KHDC1: variants seen among roughly 807,000 people sequenced by gnomAD.
KHDC1 encodes the protein KH homology domain-containing protein 1.
KHDC1 carries 21 observed loss-of-function variants against 24.7 expected under a neutral mutation model. The observed-to-expected ratio is 0.85, with a 90% confidence interval of 0.60 to 1.23. The LOEUF is 1.23. Among genes scored for constraint, KHDC1 ranks in the 50% most tolerant of loss-of-function variants. The pLI is 0.00. For missense variants in KHDC1, 274 were observed against 298.5 expected (o/e 0.92, Z 0.61); for synonymous variants, 98 against 111.7 (o/e 0.88, Z 0.77).
Position 73,263,280 on chromosome 6 carries a change from G to T in KHDC1, c.207-20750C>A, listed in dbSNP as rs115202371. On this transcript the variant is annotated intron_variant, in intron 2 of 4. Coordinates refer to ENST00000370384, the Ensembl canonical transcript of KHDC1. ...TCCCGCCTGCTCTGTGTAGGAGACA[G>T]CCTGCGGAGCCCACTGCCGGCGCGC... 7,272 of 985,666 alleles carry T rather than the reference G, an allele frequency of 7.4e-3. 45 individuals carry two copies. Among genetic ancestry groups the T allele is most frequent in the East Asian group, 0.058 (511 of 8,796 alleles). 61.1% of individuals were successfully genotyped at this position (985,666 alleles called of 1,614,324 possible).
rs138716220 is a variant in KHDC1 at position 73,305,651 on chromosome 6, A to C, written c.163+3901T>G. ...CATTTAAGAGAATATAATATATTGGATTTTGATTTAATTATTATTATTTTT... is the reference window on the plus strand; with the variant it reads ...CATTTAAGAGAATATAATATATTGGCTTTTGATTTAATTATTATTATTTTT... On this transcript the variant is annotated intron_variant, in intron 1 of 4. Coordinates refer to ENST00000370384, the Ensembl canonical transcript of KHDC1. Among the ~76,000 whole-genome samples the C allele has an allele frequency of 2.6e-4, 39 of 152,162 alleles. No homozygotes were observed. The East Asian group carries it at 6.4e-3, about 25-fold the overall frequency.
chr6:73,245,144 C>A (rs1020128117), intron 2 of KHDC1, among the ~76,000 whole-genome samples: 10 of 151,932 alleles, frequency 6.6e-5, no homozygotes, highest in African/African-American at 2.4e-4. Context: ...GCAAAGATAC[C>A]AGAACATGTA....
intron 2 of KHDC1, among the ~76,000 whole-genome samples, chr6:73,260,639 C>T (rs1766963868): frequency 6.6e-6 from 1 of 152,158 alleles, no homozygotes; most frequent in Admixed American, 6.5e-5. Context: ...ATTTTAACTT[C>T]AATTAATACT....
chr6:73,284,616 C>G (rs1463727551), intron 2 of KHDC1: 2 of 152,068 alleles, frequency 1.3e-5, no homozygotes, highest in Non-Finnish European at 2.9e-5. Flanking sequence ...TATTTCTTTA[C>G]TACCACAATG....
chr6:73,283,641 CTTTTT>C (rs35786607), intron 2 of KHDC1, among the ~76,000 whole-genome samples: 3 of 134,106 alleles, frequency 2.2e-5, no homozygotes, highest in African/African-American at 8.2e-5. Flanking sequence ...GGTTTTCATT[CTTTTT>C]TTTTTTTTTT....
intron 1 of KHDC1, among the ~76,000 whole-genome samples, chr6:73,307,814 G>A (rs923114613): frequency 6.6e-6 from 1 of 152,168 alleles, no homozygotes; most frequent in African/African-American, 2.4e-5. Context: ...ACATCACCTG[G>A]AGGTCTTCTT....
In KHDC1 at chr6:73,283,445, G is replaced by A. The variant is rs9446881; in HGVS notation, c.206+8553C>T. On this transcript the variant is annotated intron_variant, in intron 2 of 4. Transcript: ENST00000370384. ...AGGTGTTTTGTTATATAGAGACAGG[G>A]TCTCAGTGTTGCCCAGGCTAGTCTC... Among the ~76,000 whole-genome samples, 903 of 151,890 alleles carry A rather than the reference G, an allele frequency of 5.9e-3. 14 individuals are homozygous for A. Among genetic ancestry groups the A allele is most frequent in the African/African-American group, 0.02 (838 of 41,408 alleles).
chr6:73,255,272 T>C (rs1766861414), intron 2 of KHDC1, among the ~76,000 whole-genome samples: 1 of 143,822 alleles, frequency 7.0e-6, no homozygotes. Context: ...CAGGCTGGAG[T>C]GCAGTAGTGA....
At chr6:73,291,948 C>G (rs749657957) in intron 2 of KHDC1, 5 of 1,603,362 alleles carry the variant, frequency 3.1e-6, no homozygotes, top group Non-Finnish European at 4.3e-6. Flanking sequence ...CACAGACTCC[C>G]TTTTTTTGGT....
chr6:73,276,915 A>G (rs1040167375), intron 2 of KHDC1, among the ~76,000 whole-genome samples: 2 of 152,220 alleles, frequency 1.3e-5, no homozygotes, highest in Admixed American at 1.3e-4. Flanking sequence ...TCGATTGACA[A>G]GAAAGCTTTC....
intron 1 of KHDC1, among the ~76,000 whole-genome samples, chr6:73,303,826 A>T (rs1170270214): frequency 6.6e-6 from 1 of 152,214 alleles, no homozygotes; most frequent in East Asian, 1.9e-4. Context: ...GTATCCTAGA[A>T]CAGAAAAACT....
chr6:73,278,833 A>G (rs1287688673), intron 2 of KHDC1, among the ~76,000 whole-genome samples: 1 of 152,208 alleles, frequency 6.6e-6, no homozygotes. Context: ...GTCTTAGACC[A>G]TATCCCCCAA....
At chr6:73,286,051 A>G (rs1390561981) in intron 2 of KHDC1, among the ~76,000 whole-genome samples, 1 of 152,190 alleles carries the variant, frequency 6.6e-6, no homozygotes, top group Non-Finnish European at 1.5e-5. Context: ...ATCTATCCAC[A>G]TGATTCAGCA....
chr6:73,296,936 C>T (rs535275180), intron 1 of KHDC1, among the ~76,000 whole-genome samples: 16 of 152,280 alleles, frequency 1.1e-4, no homozygotes, highest in African/African-American at 3.6e-4. Flanking sequence ...GAGTCTCACT[C>T]TGTCACCTAG....
At chr6:73,277,787 G>A (rs1483850417) in intron 2 of KHDC1, among the ~76,000 whole-genome samples, 1 of 151,196 alleles carries the variant, frequency 6.6e-6, no homozygotes, top group Non-Finnish European at 1.5e-5. Flanking sequence ...GGATCACTTG[G>A]GCCTGGATTC....
intron 2 of KHDC1, among the ~76,000 whole-genome samples, chr6:73,255,170 A>G (rs1463367984): frequency 6.6e-6 from 1 of 151,140 alleles, no homozygotes; most frequent in Admixed American, 6.6e-5. Flanking sequence ...AAAATGACTT[A>G]GCTGAATTTT....
At chr6:73,257,875 A>C (rs1766908977) in intron 2 of KHDC1, among the ~76,000 whole-genome samples, 1 of 152,152 alleles carries the variant, frequency 6.6e-6, no homozygotes, top group Non-Finnish European at 1.5e-5. Context: ...TGGGAGGCCA[A>C]GACAAGAGAA....
chr6:73,248,943 CA>C (rs36010850), intron 2 of KHDC1, among the ~76,000 whole-genome samples: 38,151 of 137,318 alleles, frequency 0.28, 6,494 homozygotes, highest in African/African-American at 0.53. Context: ...TGTTGGGAGT[CA>C]AAAAAAAAAA....
intron 2 of KHDC1, among the ~76,000 whole-genome samples, chr6:73,244,618 G>A (rs1766630062): frequency 6.6e-6 from 1 of 150,468 alleles, no homozygotes. Context: ...TTAAAACAAT[G>A]AATCGGGGAG....
Sources: allele counts gnomAD v4.1 joint callset (sites outside exome capture counted in the v4.1 genomes callset), GRCh38; gene constraint gnomAD v4.1.1; transcripts MANE v1.5; gene names NCBI Gene and HGNC (gene_info 2026-07-23, HGNC 2026-07-21).